Variants in MYO9A observed in about 807,000 individuals in gnomAD.
MYO9A encodes unconventional myosin-IXa.
MYO9A carries 103 observed loss-of-function variants against 293.3 expected under a neutral mutation model. The ratio of observed to expected loss-of-function variants is 0.35; its 90% CI spans 0.30 to 0.41. MYO9A has a LOEUF of 0.41. Ranked by LOEUF, MYO9A falls within the 10% of genes least tolerant of loss-of-function variation. The pLI is 1.00. For synonymous variants in MYO9A, 1,001 were observed against 1,035.7 expected, an observed-to-expected ratio of 0.97 and a Z score of 0.64; for missense variants, 2,685 against 3,033.0, an observed-to-expected ratio of 0.89 and a Z score of 2.69.
chr15:72,082,385 G>A (rs922760687), intron 1 of MYO9A, among the ~76,000 whole-genome samples: 9 of 152,108 alleles, frequency 5.9e-5, no homozygotes, highest in African/African-American at 4.8e-5. Context: ...TTTATATCCC[G>A]AGACTTTGCT....
intron 5 of MYO9A, among the ~76,000 whole-genome samples, chr15:72,019,346 T>C (rs900532652): frequency 6.6e-6 from 1 of 152,214 alleles, no homozygotes; most frequent in Middle Eastern, 3.2e-3. Flanking sequence ...CCTATGAATA[T>C]TGACATTATG....
At chr15:71,939,023 A>C in intron 15 of MYO9A, 96 bp from the exon 16 acceptor site, 1 of 843,570 alleles carries the variant, frequency 1.2e-6, no homozygotes, top group Non-Finnish European at 1.8e-6. Context: ...TTTAATCACG[A>C]GTATTTGCTA....
At position 72,046,058 on chromosome 15, in the gene MYO9A, C is replaced by A; in HGVS notation, c.506G>T (p.Arg169Leu). 1 of 1,613,376 alleles carries A rather than the reference C, an allele frequency of 6.2e-7. No individual in the cohort carries two copies. Among genetic ancestry groups the A allele is most frequent in the Non-Finnish European group, 8.5e-7 (1 of 1,179,800 alleles). The part of the protein sequence containing the change: ...EKTLLENLRN[R>L]FKHEKIYTYV... ...GGTATAAATTTTTTCATGCTTAAAG[C>A]GATTTCGTAGGTTTTCTAAGAGAGT... The change falls in exon 2 of 42, where the codon CGC (arginine) becomes CTC (leucine). Residue 169 changes from arginine to leucine, a missense_variant. Arg to Leu is a moderately radical substitution (Grantham distance 102, BLOSUM62 -2). Coordinates refer to ENST00000356056, the MANE Select transcript of MYO9A (RefSeq NM_006901.4).
At chr15:72,050,501 G>A (rs2957722) in intron 1 of MYO9A, among the ~76,000 whole-genome samples, 2,426 of 152,168 alleles carry the variant, frequency 0.016, 70 homozygotes, top group African/African-American at 0.054. Flanking sequence ...CAGCTACTCC[G>A]GAGGCTGAGG....
intron 1 of MYO9A, among the ~76,000 whole-genome samples, chr15:72,083,329 TG>T (rs2079611980): frequency 6.6e-6 from 1 of 152,210 alleles, no homozygotes; most frequent in African/African-American, 2.4e-5. Flanking sequence ...AACAGTCTGA[TG>T]ATTATTCCTA....
At chr15:71,873,209 G>A (rs2056575598) in intron 32 of MYO9A, among the ~76,000 whole-genome samples, 3 of 151,862 alleles carry the variant, frequency 2.0e-5, no homozygotes, top group South Asian at 2.1e-4. Flanking sequence ...GTGAACCACC[G>A]CGCCTGGCCA....
In MYO9A at chr15:72,086,260, T is replaced by C. The variant is rs571861116; in HGVS notation, c.-72+31420A>G. 1.4e-4 allele frequency among the ~76,000 whole-genome samples: 21 copies of C among 152,288 alleles called. 1 individual carries two copies. The highest frequency in any genetic ancestry group is 5.1e-4 in the African/African-American group (21 of 41,564). On this transcript the variant is annotated intron_variant, in intron 1 of 41. Coordinates refer to ENST00000356056, the MANE Select transcript of MYO9A (RefSeq NM_006901.4). ...AGCGGGCCCCACTGGCAACTATGCATGTGGTCACACTGGTGGTGGTGTTAG... is the reference window on the plus strand; with the variant it reads ...AGCGGGCCCCACTGGCAACTATGCACGTGGTCACACTGGTGGTGGTGTTAG...
chr15:72,002,889 G>GA (rs1003030391), intron 8 of MYO9A, among the ~76,000 whole-genome samples: 2 of 151,710 alleles, frequency 1.3e-5, no homozygotes, highest in African/African-American at 4.8e-5. Context: ...TCATAACAAG[G>GA]AAAAAAGGAA....
chr15:71,940,098 T>C (rs1390866285), intron 15 of MYO9A, among the ~76,000 whole-genome samples: 1 of 151,878 alleles, frequency 6.6e-6, no homozygotes, highest in African/African-American at 2.4e-5. Flanking sequence ...CTTAGAAGAG[T>C]GCTTGGCACA....
At chr15:71,906,758 C>CTTTTTTTTTTTT (rs71131714) in intron 19 of MYO9A, among the ~76,000 whole-genome samples, 2 of 61,012 alleles carry the variant, frequency 3.3e-5, no homozygotes, top group East Asian at 3.4e-4. Context: ...CCATTTCTTT[C>CTTTTTTTTTTTT]TTTTTTTTTT....
intron 1 of MYO9A, 90 bp from the exon 2 acceptor site, chr15:72,046,724 A>G (rs2078395571): frequency 1.2e-6 from 1 of 821,248 alleles, no homozygotes; most frequent in Non-Finnish European, 1.8e-6. Context: ...CATGTTGATT[A>G]CATCTTCTAA....
At chr15:71,947,751 C>T (rs2146397658) in intron 15 of MYO9A, among the ~76,000 whole-genome samples, 1 of 152,282 alleles carries the variant, frequency 6.6e-6, no homozygotes. Flanking sequence ...CTCAGCCCTT[C>T]CCTGGCAATT....
chr15:71,849,037 G>A, intron 38 of MYO9A, 69 bp from the exon 39 acceptor site: 1 of 1,399,042 alleles, frequency 7.1e-7, no homozygotes, highest in Non-Finnish European at 9.5e-7. Context: ...CTCACAGACT[G>A]TTTTTGTGGT....
chr15:72,012,288 C>T (rs528879671), intron 6 of MYO9A, among the ~76,000 whole-genome samples: 2 of 151,974 alleles, frequency 1.3e-5, no homozygotes, highest in East Asian at 1.9e-4. Flanking sequence ...TGCCAATGTC[C>T]TACTCATTAA....
chr15:71,890,646 A>G (rs1481021002), intron 26 of MYO9A: 2 of 152,192 alleles, frequency 1.3e-5, no homozygotes, highest in Non-Finnish European at 1.5e-5. Context: ...TAAGAGGTTA[A>G]AAAACACCAA....
chr15:71,851,422 C>A, intron 36 of MYO9A, 64 bp from the exon 37 acceptor site: 2 of 1,307,714 alleles, frequency 1.5e-6, no homozygotes, highest in East Asian at 2.4e-5. Context: ...ATCTTCCTCC[C>A]AGACACTATG....
chr15:71,842,587 C>A (rs1048133611), intron 39 of MYO9A, among the ~76,000 whole-genome samples: 18 of 151,540 alleles, frequency 1.2e-4, no homozygotes, highest in Admixed American at 9.9e-4. Flanking sequence ...TGGCTGGGCA[C>A]GGTGGCTCAC....
At chr15:72,111,392 G>C (rs1414146682) in intron 1 of MYO9A, among the ~76,000 whole-genome samples, 2 of 150,790 alleles carry the variant, frequency 1.3e-5, no homozygotes, top group African/African-American at 4.9e-5. Flanking sequence ...GGGAGGCTGA[G>C]GCACGAGAAT....
chr15:72,045,094 TTTTC>T (rs1383209656), intron 2 of MYO9A: 1 of 152,184 alleles, frequency 6.6e-6, no homozygotes, highest in Non-Finnish European at 1.5e-5. Flanking sequence ...GGAACAGTAT[TTTTC>T]TTTCTTTTTT....
Sources: gnomAD v4.1 joint callset for allele counts (sites outside exome capture counted in the v4.1 genomes callset) on GRCh38, gnomAD v4.1.1 for gene constraint, MANE v1.5 for transcripts, NCBI Gene and HGNC (gene_info 2026-07-23, HGNC 2026-07-21) for gene names.